SHISA9: variants seen among roughly 807,000 people sequenced by gnomAD.
SHISA9 encodes the protein shisa family member 9.
SHISA9 carries 13 observed loss-of-function variants against 38.0 expected under a neutral mutation model. The ratio of observed to expected loss-of-function variants is 0.34; its 90% confidence interval spans 0.22 to 0.54. The LOEUF is 0.54. SHISA9 is among the 20% of genes least tolerant of loss of function. The probability of loss-of-function intolerance (pLI) is 0.91; values close to 1 mark genes in which losing one functional copy is unlikely to be tolerated. For synonymous variants in SHISA9, 275 were observed against 242.0 expected (o/e 1.14, Z -1.27); for missense variants, 538 against 575.8 (o/e 0.93, Z 0.67).
intron 2 of SHISA9, among the ~76,000 whole-genome samples, chr16:13,104,333 C>T (rs188042509): frequency 3.9e-5 from 6 of 152,178 alleles, no homozygotes; most frequent in East Asian, 1.9e-4. Context: ...TACGACCCAG[C>T]GATTTCCCTC....
chr16:12,914,720 C>T (rs956638033), intron 1 of SHISA9, among the ~76,000 whole-genome samples: 2 of 152,174 alleles, frequency 1.3e-5, no homozygotes, highest in Non-Finnish European at 2.9e-5. Flanking sequence ...TCCATTGCCC[C>T]GTGATCGACA....
At chr16:13,265,830 A>C in the SHISA9 span, among the ~76,000 whole-genome samples, 3 of 149,334 alleles carry the variant, frequency 2.0e-5, no homozygotes, top group African/African-American at 2.5e-5. Context: ...GAAAAAAAAA[A>C]CAAGAATCTC....
intron 2 of SHISA9, among the ~76,000 whole-genome samples, chr16:13,193,592 C>G (rs908236355): frequency 6.6e-6 from 1 of 152,158 alleles, no homozygotes; most frequent in African/African-American, 2.4e-5. Context: ...GTGATCCACC[C>G]GCCTTGGACT....
chr16:13,142,134 G>A (rs1013437921), intron 2 of SHISA9, among the ~76,000 whole-genome samples: 1 of 152,188 alleles, frequency 6.6e-6, no homozygotes. Flanking sequence ...TAGCCAGTTC[G>A]AGGTGGTTCT....
the SHISA9 span, among the ~76,000 whole-genome samples, chr16:13,553,842 G>A: frequency 5.3e-4 from 80 of 152,250 alleles, no homozygotes; most frequent in African/African-American, 1.9e-3. Flanking sequence ...CACTATTACA[G>A]GGGCTGCATA....
chr16:13,354,092 C>T, the SHISA9 span, among the ~76,000 whole-genome samples: 1 of 149,176 alleles, frequency 6.7e-6, no homozygotes, highest in East Asian at 2.0e-4. Context: ...GCTAATTTGC[C>T]AGTCCTGGGT....
the SHISA9 span, among the ~76,000 whole-genome samples, chr16:13,529,224 A>T: frequency 6.6e-6 from 1 of 152,180 alleles, no homozygotes; most frequent in Non-Finnish European, 1.5e-5. Flanking sequence ...ACAGGACCTA[A>T]ATCCATGCCA....
At chr16:13,413,979 A>G in the SHISA9 span, among the ~76,000 whole-genome samples, 11 of 152,264 alleles carry the variant, frequency 7.2e-5, no homozygotes, top group East Asian at 2.1e-3. Context: ...AACCAATGTC[A>G]ACTGCAGAGC....
the SHISA9 span, among the ~76,000 whole-genome samples, chr16:13,406,534 G>A: frequency 3.4e-3 from 515 of 152,204 alleles, 3 homozygotes; most frequent in African/African-American, 0.012. Context: ...ATTCTCTTCC[G>A]CTTTCTACTG....
At chr16:13,474,441 C>T in the SHISA9 span, 1 of 152,188 alleles carries the variant, frequency 6.6e-6, no homozygotes, top group Non-Finnish European at 1.5e-5. Context: ...AAGTGCTTTA[C>T]ATGAATTATA....
At chr16:13,408,205 G>T in the SHISA9 span, among the ~76,000 whole-genome samples, 11 of 152,152 alleles carry the variant, frequency 7.2e-5, no homozygotes, top group African/African-American at 1.4e-4. Flanking sequence ...TTACACACTT[G>T]TGGGGTATGA....
At chr16:13,352,719 GTTTTAT>G in the SHISA9 span, among the ~76,000 whole-genome samples, 1 of 118,096 alleles carries the variant, frequency 8.5e-6, no homozygotes, top group African/African-American at 3.4e-5. Context: ...GGGGCGGGGC[GTTTTAT>G]AGGATTTGGG....
At chr16:13,536,876 T>C in the SHISA9 span, among the ~76,000 whole-genome samples, 451 of 152,304 alleles carry the variant, frequency 3.0e-3, 4 homozygotes, top group African/African-American at 0.01. Flanking sequence ...AATAGTGGCA[T>C]GATCAGAAAT....
the SHISA9 span, among the ~76,000 whole-genome samples, chr16:13,285,406 A>G: frequency 7.5e-5 from 11 of 147,362 alleles, no homozygotes; most frequent in Non-Finnish European, 1.5e-4. Flanking sequence ...GGCAAATTTC[A>G]TGTTCTCTTG....
rs183010416 is a variant in SHISA9 at position 12,993,467 on chromosome 16, A to G, written c.691+76652A>G. On this transcript the variant is annotated intron_variant, in intron 2 of 4. Coordinates refer to ENST00000558583, the MANE Select transcript of SHISA9 (RefSeq NM_001145204.3). The stretch of plus-strand genomic sequence containing the variant: ...CCTTTCTGAGCTTCAGTTTCCTTCA[A>G]TCAATACATCTAGAGCAGGCATGAT... Among the ~76,000 whole-genome samples, 6 of 152,286 alleles carry G rather than the reference A, an allele frequency of 3.9e-5. No homozygotes were observed. The East Asian group carries it at 1.2e-3, about 29-fold the overall frequency.
rs563248525 is a variant in SHISA9 at position 13,087,983 on chromosome 16, T to A, written c.692-115411T>A. Among the ~76,000 whole-genome samples, 32 of 152,282 alleles carry A rather than the reference T, an allele frequency of 2.1e-4. No individual in the cohort carries two copies. In the South Asian group the frequency reaches 6.2e-3, roughly 30 times the overall value. On this transcript the variant is annotated intron_variant, in intron 2 of 4. Coordinates refer to ENST00000558583, the MANE Select transcript of SHISA9 (RefSeq NM_001145204.3). ...TAACATTTAAGTCTTTAATCCATCT[T>A]GAATTAATTTTTGTATAAGGTGTAA...
chr16:13,319,661 T>C, the SHISA9 span, among the ~76,000 whole-genome samples: 2 of 152,042 alleles, frequency 1.3e-5, no homozygotes, highest in Non-Finnish European at 2.9e-5. Flanking sequence ...CAGAATCTGA[T>C]GTAATCCCTC....
chr16:13,033,347 C>T (rs2073014746), intron 2 of SHISA9, among the ~76,000 whole-genome samples: 1 of 152,162 alleles, frequency 6.6e-6, no homozygotes, highest in African/African-American at 2.4e-5. Context: ...GAATACTGGA[C>T]AGGCAAAACC....
chr16:12,926,206 C>T (rs1394228234), intron 2 of SHISA9, among the ~76,000 whole-genome samples: 1 of 152,170 alleles, frequency 6.6e-6, no homozygotes, highest in Non-Finnish European at 1.5e-5. Context: ...AAACCTTATA[C>T]TCTAGTTATG....
Sources: gnomAD v4.1 joint callset for allele counts (sites outside exome capture counted in the v4.1 genomes callset) on GRCh38, gnomAD v4.1.1 for gene constraint, MANE v1.5 for transcripts, NCBI Gene and HGNC (gene_info 2026-07-23, HGNC 2026-07-21) for gene names.